Variants in CLIP1 observed in about 807,000 individuals in gnomAD.
The protein encoded by CLIP1 is CAP-Gly domain containing linker protein 1, also known as CAP-Gly domain-containing linker protein 1.
Under a neutral mutation model 161.6 loss-of-function variants are expected in CLIP1, and 66 were observed. That is an observed-to-expected ratio of 0.41 (90% CI 0.33 to 0.50). CLIP1 has a LOEUF of 0.50. CLIP1 is among the 20% of genes least tolerant of loss of function. CLIP1 has a pLI of 0.27. For missense variants in CLIP1, 1,376 were observed against 1,702.0 expected, an observed-to-expected ratio of 0.81 and a Z score of 3.37; for synonymous variants, 598 against 626.2, an observed-to-expected ratio of 0.96 and a Z score of 0.67.
At position 122,328,424 on chromosome 12, in the gene CLIP1, T is replaced by C; in HGVS notation, c.2870A>G (p.Asp957Gly). 1 of 1,568,890 alleles carries C rather than the reference T, an allele frequency of 6.4e-7. No individual in the cohort carries two copies. The highest frequency in any genetic ancestry group is 8.6e-7 in the Non-Finnish European group (1 of 1,161,248). Residue 957 changes from aspartate (D) to glycine (G), a missense_variant and splice_region_variant, in exon 16 of 26, where the codon GAT becomes GGT. By Grantham distance (94) the Asp-to-Gly change is moderately conservative. Around this residue, in one of 6 missense-constraint regions of CLIP1, gnomAD observed 948 missense variants for 1,134.8 expected, o/e 0.84. Coordinates refer to ENST00000620786, the MANE Select transcript of CLIP1 (RefSeq NM_001247997.2). ...MNDELRLKER[D>G]VEELQLKLTK... is the part of the protein sequence containing the mutation. The stretch of plus-strand genomic sequence containing the variant: ...AAGTTTTAGCTGTAATTCTTCTACA[T>C]CTCTAGAAAAAGTTTCAATATAAGG...
At chr12:122,396,902 G>A (rs1955930105) in intron 1 of CLIP1, among the ~76,000 whole-genome samples, 1 of 149,852 alleles carries the variant, frequency 6.7e-6, no homozygotes, top group Admixed American at 6.7e-5. Context: ...AAGTAGCTGG[G>A]ACTACAGGCA....
intron 1 of CLIP1, among the ~76,000 whole-genome samples, chr12:122,381,042 A>C (rs1010850681): frequency 1.3e-5 from 2 of 152,172 alleles, no homozygotes; most frequent in African/African-American, 4.8e-5. Context: ...CAAAACAAAC[A>C]AACAAAAAAC....
chr12:122,410,434 T>C (rs920244784), intron 1 of CLIP1, among the ~76,000 whole-genome samples: 6 of 150,778 alleles, frequency 4.0e-5, no homozygotes, highest in East Asian at 3.9e-4. Flanking sequence ...CACACACATA[T>C]ATATACACAC....
chr12:122,332,004 T>C (rs1436481201), intron 15 of CLIP1, among the ~76,000 whole-genome samples: 1 of 150,692 alleles, frequency 6.6e-6, no homozygotes, highest in African/African-American at 2.4e-5. Flanking sequence ...CAAAAAAAAA[T>C]AGTTAAAAAT....
intron 10 of CLIP1, chr12:122,342,111 T>C (rs1952538435): frequency 6.5e-6 from 1 of 153,056 alleles, no homozygotes; most frequent in East Asian, 1.9e-4. Context: ...ACTGAAGATA[T>C]TTAATAACTA....
At chr12:122,327,577 T>A (rs1951755833) in intron 17 of CLIP1, among the ~76,000 whole-genome samples, 1 of 151,906 alleles carries the variant, frequency 6.6e-6, no homozygotes. Context: ...TATCGCAACA[T>A]CTCTCCAAAC....
chr12:122,363,503 A>C (rs532392491), intron 4 of CLIP1, among the ~76,000 whole-genome samples: 43 of 152,140 alleles, frequency 2.8e-4, no homozygotes, highest in African/African-American at 8.7e-4. Context: ...CTCAAAAAAA[A>C]AAAAAAAAGA....
intron 3 of CLIP1, among the ~76,000 whole-genome samples, chr12:122,367,272 G>GA (rs138988397): frequency 4.0e-5 from 6 of 151,044 alleles, no homozygotes; most frequent in Admixed American, 6.6e-5. Flanking sequence ...CATGTATCCT[G>GA]AAAAAAAAAT....
chr12:122,280,538 C>T (rs935557184), intron 21 of CLIP1: 1 of 152,124 alleles, frequency 6.6e-6, no homozygotes, highest in African/African-American at 2.4e-5. Context: ...CATTAGTGAG[C>T]AAACTGGTGA....
chr12:122,419,912 G>A (rs10846839), intron 1 of CLIP1, among the ~76,000 whole-genome samples: 1 of 130,578 alleles, frequency 7.7e-6, no homozygotes, highest in South Asian at 2.6e-4. Context: ...AGAGCGAGAT[G>A]CGAGACTCTG....
At chr12:122,337,767 G>T (rs1238481244) in intron 11 of CLIP1, among the ~76,000 whole-genome samples, 1 of 152,112 alleles carries the variant, frequency 6.6e-6, no homozygotes, top group African/African-American at 2.4e-5. Flanking sequence ...TGTAATCCCA[G>T]CACTTTGGGA....
At chr12:122,389,737 G>C (rs7973869) in intron 1 of CLIP1, among the ~76,000 whole-genome samples, 101,750 of 133,074 alleles carry the variant, frequency 0.76, 39,084 homozygotes, top group East Asian at 0.84. Flanking sequence ...CCAGCCAGGA[G>C]AGCAGAATGA....
chr12:122,376,629 G>A (rs1243621720), intron 3 of CLIP1, among the ~76,000 whole-genome samples: 2 of 151,666 alleles, frequency 1.3e-5, no homozygotes, highest in African/African-American at 2.4e-5. Context: ...ACCATGCCCG[G>A]CTAATTTTTT....
At chr12:122,408,600 G>A (rs1338717724) in intron 1 of CLIP1, among the ~76,000 whole-genome samples, 8 of 151,778 alleles carry the variant, frequency 5.3e-5, no homozygotes, top group Admixed American at 6.6e-5. Context: ...CACCCACCTC[G>A]GCCTCCCAAA....
At chr12:122,325,551 G>A (rs546719930) in intron 17 of CLIP1, among the ~76,000 whole-genome samples, 58 of 152,082 alleles carry the variant, frequency 3.8e-4, no homozygotes, top group African/African-American at 1.2e-3. Context: ...GCGCGATCTC[G>A]GCTCACTGCA....
intron 6 of CLIP1, 65 bp from the exon 7 acceptor site, chr12:122,354,621 T>C (rs919315964): frequency 7.6e-7 from 1 of 1,309,388 alleles, no homozygotes; most frequent in African/African-American, 1.4e-5. Context: ...CAGTGATACT[T>C]CTCCAAAGAG....
At chr12:122,314,184 G>A (rs1445855853) in intron 19 of CLIP1, among the ~76,000 whole-genome samples, 5 of 151,654 alleles carry the variant, frequency 3.3e-5, no homozygotes, top group African/African-American at 9.7e-5. Flanking sequence ...CCAGCTGCTC[G>A]GGAGGCTGAG....
intron 1 of CLIP1, among the ~76,000 whole-genome samples, chr12:122,389,111 A>G (rs1173757439): frequency 3.3e-5 from 5 of 152,148 alleles, no homozygotes; most frequent in African/African-American, 1.2e-4. Flanking sequence ...TCAGGCATTC[A>G]TCTGCCCCAC....
At chr12:122,317,313 GTCC>G (rs1419650583) in intron 18 of CLIP1, among the ~76,000 whole-genome samples, 1 of 152,150 alleles carries the variant, frequency 6.6e-6, no homozygotes, top group Non-Finnish European at 1.5e-5. Context: ...GATTTACATA[GTCC>G]TCATTACAAA....
Sources: allele counts gnomAD v4.1 joint callset (sites outside exome capture counted in the v4.1 genomes callset), GRCh38; gene constraint gnomAD v4.1.1; regional missense constraint gnomAD v4.1.1; transcripts MANE v1.5; gene names NCBI Gene and HGNC (gene_info 2026-07-23, HGNC 2026-07-21).